The following LMBRD2 variants were observed in gnomAD, a reference collection of about 807,000 sequenced individuals.
LMBRD2 encodes G protein-coupled receptor-associated protein LMBRD2.
LMBRD2 carries 55 observed loss-of-function variants against 94.4 expected under a neutral mutation model. That is an observed-to-expected ratio of 0.58 (90% CI 0.47 to 0.73). The LOEUF is 0.73. LMBRD2 is among the 30% of genes least tolerant of loss of function. The pLI is 0.00. For missense variants in LMBRD2, 640 were observed against 831.9 expected, an observed-to-expected ratio of 0.77 and a Z score of 2.84; for synonymous variants, 246 against 272.4, an observed-to-expected ratio of 0.90 and a Z score of 0.95.
rs568925289 is a variant in LMBRD2 at position 36,124,361 on chromosome 5, T to C, written c.748-96A>G. 55 of 633,046 alleles carry C rather than the reference T, an allele frequency of 8.7e-5. No individual in the cohort carries two copies. The African/African-American group carries it at 1.0e-3, about 12-fold the overall frequency. The allele number at this position is 633,046 out of a possible 1,614,324, so 39.2% of individuals were successfully genotyped here. A position where few individuals can be genotyped will look rare whatever the true frequency, so the allele number is the denominator to read the frequency against. ...TAGGTACTATATATTTTCTCACAAG[T>C]TCAACTTCAACACAAATTACTTTGC... On this transcript the variant is annotated intron_variant, in intron 6 of 17. Transcript: ENST00000296603.
At chr5:36,128,976 T>A (rs146113439) in intron 6 of LMBRD2, among the ~76,000 whole-genome samples, 1 of 152,212 alleles carries the variant, frequency 6.6e-6, no homozygotes, top group East Asian at 1.9e-4. Flanking sequence ...CATGAGAGTA[T>A]CTTAACAGCA....
intron 9 of LMBRD2, among the ~76,000 whole-genome samples, chr5:36,121,090 AT>A (rs770811134): frequency 5.3e-5 from 8 of 152,188 alleles, no homozygotes; most frequent in Non-Finnish European, 1.0e-4. Context: ...TTGAATTTCA[AT>A]TTCTATAATC....
chr5:36,105,337 T>C (rs1290553133), intron 16 of LMBRD2, 140 bp from the exon 17 acceptor site: 1 of 733,114 alleles, frequency 1.4e-6, no homozygotes, highest in Non-Finnish European at 2.2e-6. Context: ...ACTACATGGT[T>C]CCTTAAAATC....
intron 6 of LMBRD2, among the ~76,000 whole-genome samples, chr5:36,133,763 A>G (rs575383751): frequency 6.6e-5 from 10 of 152,154 alleles, no homozygotes; most frequent in Non-Finnish European, 1.5e-4. Context: ...ATAGCAGAGA[A>G]GTCCAATGCT....
At position 36,100,772 on chromosome 5, in the gene LMBRD2, G is replaced by A. The variant is rs1743331221; in HGVS notation, c.*3274C>T. On this transcript the variant is annotated 3_prime_UTR_variant, in exon 18 of 18. Coordinates refer to ENST00000296603, the MANE Select transcript of LMBRD2 (RefSeq NM_001007527.2). ...TTACTAAACAGGTGAATTATAATAT[G>A]GAGAGTTTATTTTTTCTCTAATATG... is the stretch of plus-strand genomic sequence containing the variant. 6.6e-6 allele frequency: 1 copy of A among 152,002 alleles called. No individual in the cohort carries two copies. The highest frequency in any genetic ancestry group is 6.6e-5 in the Admixed American group (1 of 15,238). 9.4% of individuals were successfully genotyped at this position (152,002 alleles called of 1,614,324 possible).
At chr5:36,125,896 C>T (rs1743997275) in intron 6 of LMBRD2, among the ~76,000 whole-genome samples, 1 of 152,084 alleles carries the variant, frequency 6.6e-6, no homozygotes, top group Non-Finnish European at 1.5e-5. Flanking sequence ...AAGGGAGAGA[C>T]TAGAATATTC....
At chr5:36,114,662 C>CT in intron 12 of LMBRD2, 141 bp from the exon 13 acceptor site, 1 of 1,065,052 alleles carries the variant, frequency 9.4e-7, no homozygotes, top group Non-Finnish European at 1.2e-6. Flanking sequence ...AGTAAATGGA[C>CT]TTATTTTTTA....
At chr5:36,114,989 G>T in intron 12 of LMBRD2, 26 bp downstream of exon 12, 1 of 1,406,342 alleles carries the variant, frequency 7.1e-7, no homozygotes, top group Non-Finnish European at 1.0e-6. Context: ...TGAACCTAAG[G>T]AATTCTATTT....
chr5:36,137,283 T>C lies in LMBRD2; in HGVS notation c.527A>G (p.His176Arg). Residue 176 changes from histidine (H) to arginine (R), a missense_variant, in exon 5 of 18, where the codon CAT (histidine) becomes CGT (arginine). Around this residue, in one of 2 missense-constraint regions of LMBRD2, gnomAD observed 457 missense variants for 642.8 expected, o/e 0.71. Coordinates refer to ENST00000296603, the MANE Select transcript of LMBRD2 (RefSeq NM_001007527.2). The part of the protein sequence containing the change: ...LIYVAVNPHL[H>R]LEWNQLQTIG... ...AGACTACTTTTCTTACCATTCTAAA[T>C]GTAAATGTGGGTTTACAGCTACATA... The C allele has an allele frequency of 1.3e-6, 2 of 1,579,704 alleles. No individual in the cohort carries two copies. The highest frequency in any genetic ancestry group is 1.2e-5 in the South Asian group (1 of 86,194).
At position 36,140,938 on chromosome 5, in the gene LMBRD2, G is replaced by A; in HGVS notation, c.368+169C>T. The A allele has an allele frequency of 9.9e-6, 5 of 505,902 alleles. No homozygotes were observed. In the South Asian group the frequency reaches 1.4e-4, roughly 15 times the overall value. 31.3% of individuals were successfully genotyped at this position (505,902 alleles called of 1,614,324 possible). ...TGTTTGCAGATCTAAGAGATGCTTA[G>A]TAGACAGTGGATAACTATGAGTTTG... On this transcript the variant is annotated intron_variant, in intron 4 of 17. Coordinates refer to ENST00000296603, the MANE Select transcript of LMBRD2 (RefSeq NM_001007527.2).
intron 9 of LMBRD2, among the ~76,000 whole-genome samples, chr5:36,118,469 A>G (rs1026078129): frequency 9.2e-5 from 14 of 152,134 alleles, no homozygotes; most frequent in Non-Finnish European, 8.8e-5. Context: ...ATGTAAGAAA[A>G]TATCTTTATT....
chr5:36,112,794 C>G (rs941402020), intron 13 of LMBRD2, among the ~76,000 whole-genome samples: 6 of 152,198 alleles, frequency 3.9e-5, no homozygotes, highest in African/African-American at 1.4e-4. Flanking sequence ...AAATGCTAAT[C>G]TTGCCAGCAT....
Position 36,100,008 on chromosome 5 carries a change from G to A in LMBRD2, c.*4038C>T, listed in dbSNP as rs940319193. 2 of 152,054 alleles carry A rather than the reference G, an allele frequency of 1.3e-5. No homozygotes were observed. The highest frequency in any genetic ancestry group is 2.9e-5 in the Non-Finnish European group (2 of 67,998). 9.4% of individuals were successfully genotyped at this position (152,054 alleles called of 1,614,324 possible). A position where few individuals can be genotyped will look rare whatever the true frequency, so the allele number is the denominator to read the frequency against. ...GGCCTTGTCTCCAGGAGTTGGGAAA[G>A]GGGAAAGAAAACATTGCCCAGTCTT... On this transcript the variant is annotated 3_prime_UTR_variant, in exon 18 of 18. Coordinates refer to ENST00000296603, the MANE Select transcript of LMBRD2 (RefSeq NM_001007527.2).
chr5:36,149,032 T>C (rs1468812872), intron 1 of LMBRD2, among the ~76,000 whole-genome samples: 5 of 152,138 alleles, frequency 3.3e-5, no homozygotes, highest in African/African-American at 7.2e-5. Context: ...GTGGAAAACA[T>C]AGAGTAAATT....
chr5:36,150,464 A>G (rs190166013), intron 1 of LMBRD2, among the ~76,000 whole-genome samples: 1 of 152,310 alleles, frequency 6.6e-6, no homozygotes, highest in East Asian at 1.9e-4. Context: ...ATTAGCTTAC[A>G]GGCTCTCTCT....
At position 36,104,158 on chromosome 5, in the gene LMBRD2, A is replaced by C. The variant is rs1410659919; in HGVS notation, c.2028-52T>G. On this transcript the variant is annotated intron_variant, in intron 17 of 17. Transcript: ENST00000296603. ...CTGAGGCATCAAAAATAATAAAGGA[A>C]GAGAGGAAAACAAGAATACATTAAA... 7.1e-6 allele frequency: 10 copies of C among 1,408,282 alleles called. No homozygotes were observed. In the Admixed American group the frequency reaches 1.7e-4, roughly 24 times the overall value. The allele number at this position is 1,408,282 out of a possible 1,614,324, so 87.2% of individuals were successfully genotyped here.
intron 4 of LMBRD2, among the ~76,000 whole-genome samples, chr5:36,140,816 C>T (rs1435897510): frequency 2.0e-5 from 3 of 152,114 alleles, no homozygotes; most frequent in Non-Finnish European, 2.9e-5. Flanking sequence ...ATGTTGAGAG[C>T]CCAGTTGAAT....
At position 36,098,790 on chromosome 5, in the gene LMBRD2, T is replaced by C. The variant is rs1743292870; in HGVS notation, c.*5256A>G. 1 of 152,002 alleles carries C rather than the reference T, an allele frequency of 6.6e-6. No homozygotes were observed. The highest frequency in any genetic ancestry group is 1.5e-5 in the Non-Finnish European group (1 of 67,950). The allele number at this position is 152,002 out of a possible 1,614,324, so 9.4% of individuals were successfully genotyped here. The stretch of plus-strand genomic sequence containing the variant: ...CACTTTGCAGCTTTTTCCAAGTACA[T>C]ATTTGAAAATGTAGTGAGAATCTAC... On this transcript the variant is annotated 3_prime_UTR_variant, in exon 18 of 18. Transcript: ENST00000296603.
chr5:36,140,260 C>A (rs894017678), intron 4 of LMBRD2, among the ~76,000 whole-genome samples: 8 of 152,222 alleles, frequency 5.3e-5, no homozygotes, highest in African/African-American at 1.9e-4. Flanking sequence ...CAGCAGCCAG[C>A]GTGTCTGGCT....
Sources: gnomAD v4.1 joint callset for allele counts (sites outside exome capture counted in the v4.1 genomes callset) on GRCh38, gnomAD v4.1.1 for gene constraint, gnomAD v4.1.1 regional missense constraint, MANE v1.5 for transcripts, NCBI Gene and HGNC (gene_info 2026-07-23, HGNC 2026-07-21) for gene names.